The following MEF2A variants were observed in gnomAD, a reference collection of about 807,000 sequenced individuals.
MEF2A encodes the protein myocyte-specific enhancer factor 2A.
Under a neutral mutation model 55.8 loss-of-function variants are expected in MEF2A, and 28 were observed. That is an observed-to-expected ratio of 0.50 (90% confidence interval 0.37 to 0.69). MEF2A has a LOEUF of 0.69. Ranked by LOEUF, MEF2A falls within the 30% of genes least tolerant of loss-of-function variation. The pLI, the probability that MEF2A is intolerant of heterozygous loss-of-function variation, is 0.00. For missense variants in MEF2A, 528 were observed against 626.2 expected (o/e 0.84, Z 1.67); for synonymous variants, 239 against 227.1 (o/e 1.05, Z -0.47).
intron 7 of MEF2A, 122 bp from the exon 8 acceptor site, chr15:99,690,119 A>C (rs1367926246): frequency 3.3e-6 from 3 of 907,116 alleles, no homozygotes; most frequent in Non-Finnish European, 1.7e-6. Context: ...GGGATACTCA[A>C]ACCTGTAGTG....
chr15:99,658,166 GTTTCAC>G (rs1326744675), intron 4 of MEF2A, among the ~76,000 whole-genome samples: 1 of 152,114 alleles, frequency 6.6e-6, no homozygotes, highest in Non-Finnish European at 1.5e-5. Flanking sequence ...TTATAGAACA[GTTTCAC>G]TTTCTATGTT....
At chr15:99,648,949 T>C (rs2046415145) in intron 4 of MEF2A, among the ~76,000 whole-genome samples, 1 of 152,214 alleles carries the variant, frequency 6.6e-6, no homozygotes, top group Non-Finnish European at 1.5e-5. Context: ...TTGAATATTG[T>C]TGATTATAAA....
intron 8 of MEF2A, among the ~76,000 whole-genome samples, chr15:99,699,816 T>C (rs2057097590): frequency 6.6e-6 from 1 of 151,562 alleles, no homozygotes; most frequent in African/African-American, 2.4e-5. Flanking sequence ...AATAAACAAA[T>C]GGACATTGTA....
chr15:99,642,149 C>T (rs972101316), intron 3 of MEF2A, among the ~76,000 whole-genome samples: 1 of 152,112 alleles, frequency 6.6e-6, no homozygotes, highest in Non-Finnish European at 1.5e-5. Context: ...GGCCCTATTT[C>T]TTTTCCCCAG....
rs1403541543 is a variant in MEF2A at position 99,714,901 on chromosome 15, T to A, written c.*2130T>A. 2 of 141,554 alleles carry A rather than the reference T, an allele frequency of 1.4e-5. No homozygotes were observed. Among genetic ancestry groups the A allele is most frequent in the Admixed American group, 1.5e-4 (2 of 12,958 alleles). The allele number at this position is 141,554 out of a possible 1,614,324, so 8.8% of individuals were successfully genotyped here. A position where few individuals can be genotyped will look rare whatever the true frequency, so the allele number is the denominator to read the frequency against. On this transcript the variant is annotated 3_prime_UTR_variant, in exon 12 of 12. Coordinates refer to ENST00000557942, the MANE Select transcript of MEF2A (RefSeq NM_001319206.4). ...CCAGATTTCCTGACTGACACATAGGTATGATCAGTGCAGGAGAGACCTGCG... is the reference window on the plus strand; with the variant it reads ...CCAGATTTCCTGACTGACACATAGGAATGATCAGTGCAGGAGAGACCTGCG...
intron 2 of MEF2A, among the ~76,000 whole-genome samples, chr15:99,600,933 A>G (rs1972759968): frequency 6.6e-6 from 1 of 152,188 alleles, no homozygotes; most frequent in African/African-American, 2.4e-5. Flanking sequence ...TTCTACAAAA[A>G]AAGCCTAACA....
intron 7 of MEF2A, among the ~76,000 whole-genome samples, chr15:99,686,751 AT>A (rs1430351793): frequency 6.6e-6 from 1 of 151,952 alleles, no homozygotes; most frequent in African/African-American, 2.4e-5. Context: ...TTGTATTTGG[AT>A]TTCTAGATCT....
In MEF2A at chr15:99,675,477, T is replaced by C; in HGVS notation, c.670+19T>C. ...CCAGTGGGTGAGTGAATTCCTACTC[T>C]TCTGTTTTGTAGGTATCTATCCTAT... On this transcript the variant is annotated intron_variant, in intron 7 of 11. Transcript: ENST00000557942. The C allele has an allele frequency of 1.2e-6, 2 of 1,605,456 alleles. No individual in the cohort carries two copies. The highest frequency in any genetic ancestry group is 1.7e-6 in the Non-Finnish European group (2 of 1,172,170).
intron 1 of MEF2A, among the ~76,000 whole-genome samples, chr15:99,597,434 T>G (rs569920686): frequency 1.3e-5 from 2 of 152,198 alleles, no homozygotes; most frequent in East Asian, 3.9e-4. Flanking sequence ...CAAAACCCTG[T>G]CTCCTGATAA....
chr15:99,678,653 T>C lies in MEF2A; in HGVS notation c.670+3195T>C, dbSNP rs150506878. 6.8e-4 allele frequency: 674 copies of C among 985,018 alleles called. 12 individuals carry two copies. The highest frequency in any genetic ancestry group is 6.8e-4 in the East Asian group (6 of 8,820). 61.0% of individuals were successfully genotyped at this position (985,018 alleles called of 1,614,324 possible). On this transcript the variant is annotated intron_variant, in intron 7 of 11. Transcript: ENST00000557942. ...CTAAAATTGGAATACTTCAGGCCCATGTACTGCTAAAAGAAGAGGCATCCT... is the reference window on the plus strand; with the variant it reads ...CTAAAATTGGAATACTTCAGGCCCACGTACTGCTAAAAGAAGAGGCATCCT...
chr15:99,613,242 G>T (rs531405534), intron 2 of MEF2A, among the ~76,000 whole-genome samples: 12 of 152,312 alleles, frequency 7.9e-5, no homozygotes, highest in African/African-American at 2.9e-4. Context: ...TTATTGTGGG[G>T]CTAGGGCAAG....
At chr15:99,700,657 A>G (rs957426517) in intron 8 of MEF2A, among the ~76,000 whole-genome samples, 11 of 152,224 alleles carry the variant, frequency 7.2e-5, no homozygotes, top group African/African-American at 2.2e-4. Flanking sequence ...TCAGAACACC[A>G]TTTTCTAATA....
chr15:99,667,179 G>T (rs558081009), intron 4 of MEF2A, among the ~76,000 whole-genome samples: 5 of 152,074 alleles, frequency 3.3e-5, no homozygotes, highest in Non-Finnish European at 4.4e-5. Flanking sequence ...TTTCACACTC[G>T]TAAGTGGTAA....
intron 4 of MEF2A, among the ~76,000 whole-genome samples, chr15:99,666,013 G>C (rs1037053757): frequency 1.3e-5 from 2 of 152,140 alleles, no homozygotes; most frequent in Admixed American, 1.3e-4. Context: ...TTCAACCATG[G>C]TGGAAGACAG....
At chr15:99,566,328 G>A (rs1959312003) in intron 1 of MEF2A, among the ~76,000 whole-genome samples, 1 of 148,676 alleles carries the variant, frequency 6.7e-6, no homozygotes, top group African/African-American at 2.5e-5. Context: ...CGGGTAGGGT[G>A]CTGGGAGGCG....
intron 8 of MEF2A, 94 bp downstream of exon 8, chr15:99,690,522 A>T: frequency 3.2e-6 from 3 of 943,756 alleles, no homozygotes; most frequent in Non-Finnish European, 4.8e-6. Flanking sequence ...GTGCCACCGT[A>T]GAATCTACAC....
chr15:99,702,695 C>T (rs928009491), intron 8 of MEF2A, among the ~76,000 whole-genome samples: 3 of 152,230 alleles, frequency 2.0e-5, no homozygotes, highest in Admixed American at 2.0e-4. Flanking sequence ...CTTTTCTTTA[C>T]ATGACTTATG....
chr15:99,586,154 T>C (rs1217117414), intron 1 of MEF2A, among the ~76,000 whole-genome samples: 1 of 152,206 alleles, frequency 6.6e-6, no homozygotes, highest in Non-Finnish European at 1.5e-5. Flanking sequence ...TGCCTTTGTA[T>C]GGACATATGC....
chr15:99,681,922 C>G (rs1285779814), intron 7 of MEF2A: 1 of 152,140 alleles, frequency 6.6e-6, no homozygotes, highest in African/African-American at 2.4e-5. Flanking sequence ...GTTCTTTGTA[C>G]AAATGACATA....
Sources: gnomAD v4.1 joint callset for allele counts (sites outside exome capture counted in the v4.1 genomes callset) on GRCh38, gnomAD v4.1.1 for gene constraint, MANE v1.5 for transcripts, NCBI Gene and HGNC (gene_info 2026-07-23, HGNC 2026-07-21) for gene names.